The following CNTN4 variants were observed in gnomAD, a reference collection of about 807,000 sequenced individuals.
CNTN4 encodes the protein contactin 4, also known as contactin-4.
CNTN4 carries 77 observed loss-of-function variants against 122.5 expected under a neutral mutation model. That is an observed-to-expected ratio of 0.63 (90% CI 0.52 to 0.76). CNTN4 has a LOEUF of 0.76. CNTN4 is among the 30% of genes least tolerant of loss of function. The probability of loss-of-function intolerance (pLI) is 0.00; values close to 1 mark genes in which losing one functional copy is unlikely to be tolerated. For synonymous variants in CNTN4, 512 were observed against 447.0 expected (o/e 1.15, Z -1.83); for missense variants, 1,256 against 1,259.1 (o/e 1.00, Z 0.04).
At chr3:3,055,810 T>C (rs1156783163) in intron 24 of CNTN4, among the ~76,000 whole-genome samples, 2 of 152,216 alleles carry the variant, frequency 1.3e-5, no homozygotes, top group Non-Finnish European at 2.9e-5. Context: ...GCAATTTTCA[T>C]TTTGTTGAAT....
chr3:2,478,799 T>G (rs1021579454), intron 3 of CNTN4, among the ~76,000 whole-genome samples: 7 of 152,176 alleles, frequency 4.6e-5, no homozygotes, highest in Non-Finnish European at 1.0e-4. Context: ...TTCCATGGTG[T>G]ATATATACCA....
At chr3:2,228,002 T>A (rs2039349014) in intron 2 of CNTN4, among the ~76,000 whole-genome samples, 1 of 152,178 alleles carries the variant, frequency 6.6e-6, no homozygotes, top group Non-Finnish European at 1.5e-5. Flanking sequence ...AAATTAAGGG[T>A]GTTTAAATAG....
intron 3 of CNTN4, among the ~76,000 whole-genome samples, chr3:2,488,582 T>G (rs1046233138): frequency 1.3e-5 from 2 of 152,200 alleles, no homozygotes; most frequent in African/African-American, 4.8e-5. Flanking sequence ...ATCATTTGTT[T>G]TGATTAATCT....
At chr3:2,491,626 A>C (rs1349715427) in intron 3 of CNTN4, among the ~76,000 whole-genome samples, 2 of 152,192 alleles carry the variant, frequency 1.3e-5, no homozygotes, top group African/African-American at 2.4e-5. Flanking sequence ...AATCATTTTC[A>C]AACTTGTATT....
At chr3:2,715,027 T>G (rs990006521) in intron 4 of CNTN4, among the ~76,000 whole-genome samples, 1 of 152,230 alleles carries the variant, frequency 6.6e-6, no homozygotes, top group East Asian at 1.9e-4. Flanking sequence ...TCAACAGCAT[T>G]TGGCAGCTTT....
At chr3:2,840,788 C>A (rs1246335642) in intron 7 of CNTN4, among the ~76,000 whole-genome samples, 3 of 152,034 alleles carry the variant, frequency 2.0e-5, no homozygotes, top group African/African-American at 4.8e-5. Flanking sequence ...AGCGAGACTA[C>A]TGGAGTAAGA....
chr3:2,738,684 T>C (rs1191240354), intron 5 of CNTN4, among the ~76,000 whole-genome samples: 2 of 152,144 alleles, frequency 1.3e-5, no homozygotes, highest in African/African-American at 4.8e-5. Flanking sequence ...TTTTAAAAGA[T>C]GTACTAGACA....
In CNTN4 at chr3:2,568,620, C is replaced by T. The variant is rs530767988; in HGVS notation, c.-88-2796C>T. Among the ~76,000 whole-genome samples the T allele has an allele frequency of 7.9e-5, 12 of 152,242 alleles. No individual in the cohort carries two copies. In the South Asian group the frequency reaches 1.9e-3, roughly 24 times the overall value. On this transcript the variant is annotated intron_variant, in intron 3 of 24. Transcript: ENST00000418658. ...CAGAAAAATTGAAATTATGAAACTT[C>T]GTATCCTGCACCAGAGTCCCACGTG...
In CNTN4 at chr3:2,235,239, G is replaced by T. The variant is rs548507017; in HGVS notation, c.-144-103939G>T. On this transcript the variant is annotated intron_variant, in intron 2 of 24. Transcript: ENST00000418658. ...GTAATGATGCCAACATTATCAATTTGTACATTTATCAAGGTTATGCATACT... is the reference window on the plus strand; with the variant it reads ...GTAATGATGCCAACATTATCAATTTTTACATTTATCAAGGTTATGCATACT... Among the ~76,000 whole-genome samples, 9 of 152,172 alleles carry T rather than the reference G, an allele frequency of 5.9e-5. No homozygotes were observed. The East Asian group carries it at 1.5e-3, about 26-fold the overall frequency.
chr3:2,600,875 T>A (rs1488626301), intron 4 of CNTN4, among the ~76,000 whole-genome samples: 2 of 152,316 alleles, frequency 1.3e-5, no homozygotes, highest in African/African-American at 4.8e-5. Context: ...GTTTCCTGGC[T>A]TTTTAATGAT....
Position 2,712,362 on chromosome 3 carries a change from A to G in CNTN4, c.56-23853A>G, listed in dbSNP as rs183211468. Among the ~76,000 whole-genome samples the G allele has an allele frequency of 3.4e-4, 52 of 152,304 alleles. 4 individuals are homozygous for G. In the East Asian group the frequency reaches 3.7e-3, roughly 11 times the overall value. ...TTGAACAACTATTGAAAGTCCAGCA[A>G]TGTGCTAGTTGCCATAGGGAGATAA... is the stretch of plus-strand genomic sequence containing the variant. On this transcript the variant is annotated intron_variant, in intron 4 of 24. Transcript: ENST00000418658.
At chr3:3,048,321 A>G (rs1231662243) in intron 23 of CNTN4, among the ~76,000 whole-genome samples, 2 of 152,214 alleles carry the variant, frequency 1.3e-5, no homozygotes, top group Non-Finnish European at 2.9e-5. Flanking sequence ...TTTACATTAT[A>G]TTAGGTATTA....
chr3:3,004,221 C>CAGATGTCCT (rs1491415052), intron 14 of CNTN4, among the ~76,000 whole-genome samples: 1 of 152,180 alleles, frequency 6.6e-6, no homozygotes, highest in East Asian at 1.9e-4. Context: ...CTGTGATCTC[C>CAGATGTCCT]AGATGTCCTA....
At chr3:2,916,181 C>CT (rs1014765217) in intron 12 of CNTN4, among the ~76,000 whole-genome samples, 2 of 151,494 alleles carry the variant, frequency 1.3e-5, no homozygotes, top group Non-Finnish European at 2.9e-5. Context: ...ATGTTATGTA[C>CT]TTTTTTTTTC....
chr3:2,125,534 T>C (rs1428021354), intron 2 of CNTN4, among the ~76,000 whole-genome samples: 1 of 151,222 alleles, frequency 6.6e-6, no homozygotes, highest in Non-Finnish European at 1.5e-5. Context: ...CAGATTTCTA[T>C]GAAGATTTCT....
intron 2 of CNTN4, among the ~76,000 whole-genome samples, chr3:2,275,770 A>G (rs1191612415): frequency 6.6e-6 from 1 of 151,770 alleles, no homozygotes; most frequent in Non-Finnish European, 1.5e-5. Context: ...AAATACAAAA[A>G]TTAGCCGGGC....
intron 10 of CNTN4, among the ~76,000 whole-genome samples, chr3:2,895,628 A>C (rs1378922415): frequency 1.3e-5 from 2 of 152,242 alleles, no homozygotes; most frequent in African/African-American, 4.8e-5. Context: ...GGAGATGAAG[A>C]AGCCATAAAT....
At chr3:2,609,063 A>G (rs1039699211) in intron 4 of CNTN4, among the ~76,000 whole-genome samples, 1 of 152,210 alleles carries the variant, frequency 6.6e-6, no homozygotes, top group Non-Finnish European at 1.5e-5. Flanking sequence ...CTGTGGAAAC[A>G]CTGATTTTTC....
Position 2,700,827 on chromosome 3 carries a change from G to C in CNTN4, c.56-35388G>C, listed in dbSNP as rs148654076. ...TCGTTTAGCAAACAGTTTCTATCAG[G>C]GACTATAATAATAGAATGCAATAAG... On this transcript the variant is annotated intron_variant, in intron 4 of 24. Coordinates refer to ENST00000418658, the MANE Select transcript of CNTN4 (RefSeq NM_175607.3). 2.1e-3 allele frequency among the ~76,000 whole-genome samples: 321 copies of C among 152,228 alleles called. 1 individual carries two copies. The highest frequency in any genetic ancestry group is 7.5e-3 in the African/African-American group (312 of 41,528).
Sources: gnomAD v4.1 joint callset for allele counts (sites outside exome capture counted in the v4.1 genomes callset) on GRCh38, gnomAD v4.1.1 for gene constraint, MANE v1.5 for transcripts, NCBI Gene and HGNC (gene_info 2026-07-23, HGNC 2026-07-21) for gene names.